The following SLIT3 variants were observed in gnomAD, a reference collection of about 807,000 sequenced individuals.
SLIT3 encodes slit guidance ligand 3, also known as slit homolog 3 protein.
SLIT3 carries 68 observed loss-of-function variants against 184.0 expected under a neutral mutation model. That is an observed-to-expected ratio of 0.37 (90% CI 0.30 to 0.45). The LOEUF is 0.45. Among genes scored for constraint, SLIT3 ranks in the 20% least tolerant of loss-of-function variants. SLIT3 has a pLI of 1.00. For synonymous variants in SLIT3, 831 were observed against 828.6 expected, an observed-to-expected ratio of 1.00 and a Z score of -0.05; for missense variants, 1,707 against 2,026.0, an observed-to-expected ratio of 0.84 and a Z score of 3.02.
Position 168,798,220 on chromosome 5 carries a change from C to CTTTTT in SLIT3, c.936-2643_936-2642insAAAAA, listed in dbSNP as rs575178855. Among the ~76,000 whole-genome samples, 287 of 112,242 alleles carry CTTTTT rather than the reference C, an allele frequency of 2.6e-3. 8 individuals carry two copies. Among genetic ancestry groups the CTTTTT allele is most frequent in the South Asian group, 4.9e-3 (13 of 2,654 alleles). The allele number at this position is 112,242 out of a possible 152,430, so 73.6% of individuals were successfully genotyped here. ...CTTTTGGTTTTCTTTTCTTCTTCTT[C>CTTTTT]TTCTTTTTTTTTTTTTTTTAAGAGA... On this transcript the variant is annotated intron_variant, in intron 9 of 35. Coordinates refer to ENST00000519560, the MANE Select transcript of SLIT3 (RefSeq NM_003062.4).
chr5:168,943,180 A>T (rs1042427200), intron 4 of SLIT3, among the ~76,000 whole-genome samples: 2 of 152,234 alleles, frequency 1.3e-5, no homozygotes, highest in Non-Finnish European at 2.9e-5. Flanking sequence ...TGAAATGATG[A>T]TCAGTTTTCC....
chr5:169,158,894 AAAAAC>A (rs1483047493), intron 4 of SLIT3, among the ~76,000 whole-genome samples: 2 of 152,246 alleles, frequency 1.3e-5, no homozygotes, highest in East Asian at 1.9e-4. Context: ...CAAGGAAACT[AAAAAC>A]AGAACAAACA....
At chr5:168,694,426 T>G (rs1761993939) in intron 28 of SLIT3, among the ~76,000 whole-genome samples, 1 of 152,212 alleles carries the variant, frequency 6.6e-6, no homozygotes. Context: ...CTTAGATTTC[T>G]TGGTCTCTCT....
At chr5:169,094,746 T>C (rs1258074020) in intron 4 of SLIT3, among the ~76,000 whole-genome samples, 1 of 152,244 alleles carries the variant, frequency 6.6e-6, no homozygotes, top group Non-Finnish European at 1.5e-5. Context: ...TGCTTTAGGA[T>C]AGAAGTTTGC....
At chr5:169,048,214 G>A (rs1230999902) in intron 4 of SLIT3, among the ~76,000 whole-genome samples, 1 of 152,126 alleles carries the variant, frequency 6.6e-6, no homozygotes, top group East Asian at 1.9e-4. Flanking sequence ...GGGTGGTCTT[G>A]GATGGCTTCT....
intron 4 of SLIT3, among the ~76,000 whole-genome samples, chr5:168,965,414 C>A (rs899761132): frequency 6.6e-6 from 1 of 152,124 alleles, no homozygotes; most frequent in Non-Finnish European, 1.5e-5. Flanking sequence ...TTTGATGGGA[C>A]CTTTGCTCTT....
chr5:169,169,447 T>C (rs1471941389), intron 4 of SLIT3, among the ~76,000 whole-genome samples: 1 of 152,222 alleles, frequency 6.6e-6, no homozygotes, highest in Non-Finnish European at 1.5e-5. Flanking sequence ...AAATAAATAA[T>C]GGAATCAGGT....
At chr5:168,893,272 T>C (rs10075979) in intron 4 of SLIT3, among the ~76,000 whole-genome samples, 67,519 of 152,012 alleles carry the variant, frequency 0.44, 15,613 homozygotes, top group Non-Finnish European at 0.51. Context: ...TCTCTTATTG[T>C]TTGAAGCTGT....
rs374074201 is a variant in SLIT3, at chr5:168,803,883, G to T, written c.935+2563C>A. The stretch of plus-strand genomic sequence containing the variant: ...GAGGGCCAGAGGCTCACTGTGGCTG[G>T]ATGTTGAGGGAAGGGAAGTGAAGGT... On this transcript the variant is annotated intron_variant, in intron 9 of 35. Coordinates refer to ENST00000519560, the MANE Select transcript of SLIT3 (RefSeq NM_003062.4). 1.1e-4 allele frequency among the ~76,000 whole-genome samples: 16 copies of T among 152,202 alleles called. 1 individual carries two copies. The East Asian group carries it at 1.4e-3, about 13-fold the overall frequency.
At chr5:168,882,426 G>GGAAC (rs1759989335) in intron 5 of SLIT3, among the ~76,000 whole-genome samples, 1 of 152,156 alleles carries the variant, frequency 6.6e-6, no homozygotes, top group East Asian at 1.9e-4. Flanking sequence ...ATGTCACGCT[G>GGAAC]GAACAGTCCT....
chr5:168,788,570 G>A (rs79892463), intron 11 of SLIT3, among the ~76,000 whole-genome samples: 9,461 of 152,140 alleles, frequency 0.062, 961 homozygotes, highest in African/African-American at 0.21. Flanking sequence ...ACATTTTAGA[G>A]TAAGTAAATG....
At position 169,032,509 on chromosome 5, in the gene SLIT3, A is replaced by ATTT. The variant is rs3072089; in HGVS notation, c.414-149176_414-149174dup. On this transcript the variant is annotated intron_variant, in intron 4 of 35. Coordinates refer to ENST00000519560, the MANE Select transcript of SLIT3 (RefSeq NM_003062.4). Reference sequence around the variant, plus strand: ...AGCCTTACTCACTTATGTGCCAGTCATTTTTTTTTTTTACCATATATGTGT... The same window carrying ATTT: ...AGCCTTACTCACTTATGTGCCAGTCATTTTTTTTTTTTTTTACCATATATGTGT... Among the ~76,000 whole-genome samples, 652 of 145,338 alleles carry ATTT rather than the reference A, an allele frequency of 4.5e-3. 5 individuals are homozygous for ATTT. The highest frequency in any genetic ancestry group is 0.015 in the African/African-American group (593 of 39,646).
At chr5:168,934,369 C>A (rs1762086011) in intron 4 of SLIT3, among the ~76,000 whole-genome samples, 1 of 152,168 alleles carries the variant, frequency 6.6e-6, no homozygotes, top group East Asian at 1.9e-4. Flanking sequence ...ATGATCCAGT[C>A]AATGATTCAC....
intron 5 of SLIT3, among the ~76,000 whole-genome samples, chr5:168,851,816 C>T (rs1758689879): frequency 2.0e-5 from 3 of 152,220 alleles, no homozygotes; most frequent in Admixed American, 2.0e-4. Context: ...CTTGGCATTT[C>T]ATTCCCTCAA....
At chr5:168,895,072 T>C (rs1264881429) in intron 4 of SLIT3, among the ~76,000 whole-genome samples, 4 of 151,694 alleles carry the variant, frequency 2.6e-5, no homozygotes, top group African/African-American at 7.3e-5. Flanking sequence ...GGTGAGGAGG[T>C]AAGAAAAAGA....
At chr5:168,836,067 ATCCT>A (rs975102408) in intron 6 of SLIT3, among the ~76,000 whole-genome samples, 2 of 152,086 alleles carry the variant, frequency 1.3e-5, no homozygotes, top group African/African-American at 4.8e-5. Context: ...TCTCCACATC[ATCCT>A]TCCTTCCATT....
intron 4 of SLIT3, chr5:169,120,232 A>G (rs1176316252): frequency 6.6e-6 from 1 of 152,234 alleles, no homozygotes; most frequent in African/African-American, 2.4e-5. Context: ...CAAAGGCAAC[A>G]GGGACCAAAT....
At chr5:168,883,204 ACT>A in intron 5 of SLIT3, 59 bp downstream of exon 5, 2 of 1,360,940 alleles carry the variant, frequency 1.5e-6, no homozygotes, top group Non-Finnish European at 2.1e-6. Flanking sequence ...CCTCACCCTC[ACT>A]CTGGTCAGAG....
chr5:168,734,135 T>A (rs1257923695), intron 20 of SLIT3, among the ~76,000 whole-genome samples: 1 of 152,212 alleles, frequency 6.6e-6, no homozygotes, highest in African/African-American at 2.4e-5. Flanking sequence ...CACAACACAA[T>A]ATATGCATGT....
Sources: allele counts gnomAD v4.1 joint callset (sites outside exome capture counted in the v4.1 genomes callset), GRCh38; gene constraint gnomAD v4.1.1; transcripts MANE v1.5; gene names NCBI Gene and HGNC (gene_info 2026-07-23, HGNC 2026-07-21).